LARGE1: variants seen among roughly 807,000 people sequenced by gnomAD.
LARGE1 encodes the protein xylosyl- and glucuronyltransferase LARGE1.
Under a neutral mutation model 87.6 loss-of-function variants are expected in LARGE1, and 43 were observed. The observed-to-expected ratio is 0.49, with a 90% CI of 0.38 to 0.63. LARGE1 has a LOEUF of 0.63. LARGE1 is among the 30% of genes least tolerant of loss of function. LARGE1 has a pLI of 0.00. For synonymous variants in LARGE1, 434 were observed against 394.6 expected (o/e 1.10, Z -1.18); for missense variants, 802 against 1,000.2 (o/e 0.80, Z 2.67).
intron 6 of LARGE1, among the ~76,000 whole-genome samples, chr22:33,559,582 G>C (rs2077793887): frequency 6.6e-6 from 1 of 152,172 alleles, no homozygotes; most frequent in Non-Finnish European, 1.5e-5. Context: ...GCTGTCATGA[G>C]GTAATCACCT....
intron 10 of LARGE1, among the ~76,000 whole-genome samples, chr22:33,325,444 G>T (rs1450848247): frequency 2.0e-5 from 3 of 152,242 alleles, no homozygotes; most frequent in African/African-American, 7.2e-5. Context: ...CAGAGCAAGA[G>T]AATCCTGTAG....
intron 2 of LARGE1, among the ~76,000 whole-genome samples, chr22:33,654,121 C>T (rs181310834): frequency 3.6e-4 from 55 of 152,230 alleles, no homozygotes; most frequent in Admixed American, 2.9e-3. Flanking sequence ...CAAAGACGTG[C>T]GGGGGTTTTC....
chr22:33,615,867 T>C lies in LARGE1; in HGVS notation c.491+10377A>G, dbSNP rs114269414. Among the ~76,000 whole-genome samples, 515 of 152,224 alleles carry C rather than the reference T, an allele frequency of 3.4e-3. 3 individuals are homozygous for C. The highest frequency in any genetic ancestry group is 0.012 in the African/African-American group (497 of 41,560). On this transcript the variant is annotated intron_variant, in intron 4 of 14. Coordinates refer to ENST00000397394, the MANE Select transcript of LARGE1 (RefSeq NM_133642.5). ...ATAAAAATTGAGCAAAGGATTTAAA[T>C]AACCATTTCTCAAAGAAGATATACA... is the stretch of plus-strand genomic sequence containing the variant.
intron 1 of LARGE1, among the ~76,000 whole-genome samples, chr22:33,896,203 C>A: frequency 6.6e-6 from 1 of 152,216 alleles, no homozygotes; most frequent in East Asian, 1.9e-4. Flanking sequence ...TTTTTAATGA[C>A]TGACTCATTT....
At chr22:33,265,358 C>T (rs1393967985) in intron 11 of LARGE1, among the ~76,000 whole-genome samples, 1 of 152,192 alleles carries the variant, frequency 6.6e-6, no homozygotes, top group African/African-American at 2.4e-5. Flanking sequence ...CACTGGTTGG[C>T]TATCCATCTC....
chr22:33,888,557 G>A (rs748357091), intron 1 of LARGE1, among the ~76,000 whole-genome samples: 7 of 152,092 alleles, frequency 4.6e-5, no homozygotes, highest in African/African-American at 7.2e-5. Context: ...AAGCACCTTC[G>A]AATATATCCT....
chr22:33,275,201 G>A (rs16992048), intron 14 of LARGE1, among the ~76,000 whole-genome samples: 252 of 152,216 alleles, frequency 1.7e-3, no homozygotes, highest in African/African-American at 5.9e-3. Flanking sequence ...CTTTATCGCA[G>A]GTCACACTGT....
At chr22:33,870,222 A>C (rs1247273098) in intron 1 of LARGE1, among the ~76,000 whole-genome samples, 1 of 152,188 alleles carries the variant, frequency 6.6e-6, no homozygotes, top group Non-Finnish European at 1.5e-5. Flanking sequence ...AGAGTGCCAA[A>C]GAGAAGCTAG....
intron 2 of LARGE1, among the ~76,000 whole-genome samples, chr22:33,661,193 T>A (rs1438237313): frequency 1.3e-5 from 2 of 151,364 alleles, no homozygotes; most frequent in South Asian, 4.2e-4. Context: ...GTTGGCCATA[T>A]TTATTACCAA....
the LARGE1 span, among the ~76,000 whole-genome samples, chr22:33,127,529 A>G: frequency 6.6e-6 from 1 of 152,238 alleles, no homozygotes; most frequent in Non-Finnish European, 1.5e-5. Context: ...AACAGAAAGC[A>G]ATATGAACTC....
At chr22:33,654,336 T>C (rs935571823) in intron 2 of LARGE1, among the ~76,000 whole-genome samples, 1 of 152,218 alleles carries the variant, frequency 6.6e-6, no homozygotes, top group African/African-American at 2.4e-5. Context: ...AGCCGGCCCC[T>C]TCCTTTTCCT....
chr22:33,392,877 G>A (rs2065583958), intron 7 of LARGE1, among the ~76,000 whole-genome samples: 1 of 152,114 alleles, frequency 6.6e-6, no homozygotes, highest in South Asian at 2.1e-4. Context: ...AGTGTGAAAT[G>A]TACTGGACAA....
At chr22:33,414,842 C>A (rs1001171895) in intron 7 of LARGE1, among the ~76,000 whole-genome samples, 20 of 152,180 alleles carry the variant, frequency 1.3e-4, no homozygotes, top group African/African-American at 4.6e-4. Context: ...ATCCCTTTCA[C>A]CATGTGAAGG....
Position 33,604,454 on chromosome 22 carries a change from T to C in LARGE1, c.596A>G (p.Tyr199Cys), listed in dbSNP as rs1335644629. 1.9e-6 allele frequency: 3 copies of C among 1,613,994 alleles called. No individual in the cohort carries two copies. The highest frequency in any genetic ancestry group is 2.2e-5 in the East Asian group (1 of 44,868). Reference sequence around the variant, plus strand: ...CCATACCTTGAGCTCGTCTGCATTGTAGAAGTCCACACGCACAGCGGGCAC... The same window carrying C: ...CCATACCTTGAGCTCGTCTGCATTGCAGAAGTCCACACGCACAGCGGGCAC... ...WMVPAVRVDF[Y>C]NADELKSEVS... Residue 199 changes from tyrosine (Y) to cysteine (C), a missense_variant, in exon 5 of 15, where the codon TAC becomes TGC. This residue lies in a region of LARGE1 where 625 missense variants were observed against 841.9 expected (regional missense o/e 0.74). Transcript: ENST00000397394.
chr22:33,222,504 ATTAAG>A (rs1353476151), intron 11 of LARGE1, among the ~76,000 whole-genome samples: 5 of 152,200 alleles, frequency 3.3e-5, no homozygotes, highest in Non-Finnish European at 7.3e-5. Flanking sequence ...TTGCAATGTA[ATTAAG>A]TTAAGGACCT....
intron 1 of LARGE1, among the ~76,000 whole-genome samples, chr22:33,796,914 A>G (rs1309630444): frequency 6.6e-6 from 1 of 151,806 alleles, no homozygotes; most frequent in Admixed American, 6.6e-5. Flanking sequence ...ACAGGGGCAC[A>G]CCACCACACT....
chr22:33,451,131 G>A (rs1043387038), intron 6 of LARGE1, among the ~76,000 whole-genome samples: 4 of 152,072 alleles, frequency 2.6e-5, no homozygotes, highest in African/African-American at 7.2e-5. Context: ...CTGGCATGGC[G>A]TTAAATCACC....
At chr22:33,322,073 C>A (rs1936777769) in intron 10 of LARGE1, among the ~76,000 whole-genome samples, 1 of 152,168 alleles carries the variant, frequency 6.6e-6, no homozygotes, top group African/African-American at 2.4e-5. Flanking sequence ...CCCGCCTCGG[C>A]CTCCCAAAGT....
chr22:33,113,205 C>CTTTTTTTT, the LARGE1 span, among the ~76,000 whole-genome samples: 2 of 127,416 alleles, frequency 1.6e-5, no homozygotes, highest in Admixed American at 7.9e-5. Flanking sequence ...ACTTAATTAT[C>CTTTTTTTT]TTTTTTTTTT....
Sources: allele counts gnomAD v4.1 joint callset (sites outside exome capture counted in the v4.1 genomes callset), GRCh38; gene constraint gnomAD v4.1.1; regional missense constraint gnomAD v4.1.1; transcripts MANE v1.5; gene names NCBI Gene and HGNC (gene_info 2026-07-23, HGNC 2026-07-21).